Variants in NEDD9 observed in about 807,000 individuals in gnomAD.
NEDD9 encodes the protein enhancer of filamentation 1.
In NEDD9, 26 loss-of-function variants were observed where a neutral mutation model predicts 76.6. The ratio of observed to expected loss-of-function variants is 0.34; its 90% CI spans 0.25 to 0.47. NEDD9 has a LOEUF of 0.47. Ranked by LOEUF, NEDD9 falls within the 20% of genes least tolerant of loss-of-function variation. The pLI, the probability that NEDD9 is intolerant of heterozygous loss-of-function variation, is 1.00. For synonymous variants in NEDD9, 392 were observed against 414.2 expected (o/e 0.95, Z 0.65); for missense variants, 937 against 1,058.5 (o/e 0.89, Z 1.59).
At chr6:11,365,132 A>T (rs1762738981) in intron 1 of NEDD9, among the ~76,000 whole-genome samples, 1 of 152,074 alleles carries the variant, frequency 6.6e-6, no homozygotes, top group African/African-American at 2.4e-5. Flanking sequence ...TCTGACAAAC[A>T]GAGTACTTAA....
chr6:11,342,127 A>AAAT (rs1190212793), intron 1 of NEDD9, among the ~76,000 whole-genome samples: 2 of 152,128 alleles, frequency 1.3e-5, no homozygotes, highest in African/African-American at 4.8e-5. Flanking sequence ...CAGCAGTAGA[A>AAAT]AATATCAAAT....
At chr6:11,377,421 G>C (rs1260955119) in intron 1 of NEDD9, among the ~76,000 whole-genome samples, 4 of 152,234 alleles carry the variant, frequency 2.6e-5, no homozygotes, top group Non-Finnish European at 5.9e-5. Flanking sequence ...TGTTATAACA[G>C]TGTGCCCTAA....
chr6:11,360,236 G>T (rs1221060266), intron 1 of NEDD9, among the ~76,000 whole-genome samples: 1 of 152,168 alleles, frequency 6.6e-6, no homozygotes. Context: ...GGGTGAAGAG[G>T]GTGTGACATA....
At position 11,272,011 on chromosome 6, in the gene NEDD9, T is replaced by C. The variant is rs117499995; in HGVS notation, c.12+33981A>G. 2.2e-4 allele frequency among the ~76,000 whole-genome samples: 33 copies of C among 152,276 alleles called. No homozygotes were observed. The East Asian group carries it at 6.0e-3, about 28-fold the overall frequency. ...CCGTCTAGTTCTCCTATCAAGATAT[T>C]TTCCCAAGCACTTCTTAGGTGGCCC... On this transcript the variant is annotated intron_variant, in intron 3 of 3. Transcript: ENST00000397378.
At chr6:11,204,668 C>A (rs1452122424) in intron 2 of NEDD9, among the ~76,000 whole-genome samples, 1 of 128,520 alleles carries the variant, frequency 7.8e-6, no homozygotes, top group African/African-American at 3.1e-5. Flanking sequence ...TGTGGTGAGC[C>A]GAGATTGTGC....
Position 11,192,464 on chromosome 6 carries a change from A to C in NEDD9, c.562-18T>G. The C allele has an allele frequency of 6.4e-7, 1 of 1,572,290 alleles. No homozygotes were observed. Among genetic ancestry groups the C allele is most frequent in the Non-Finnish European group, 8.7e-7 (1 of 1,145,210 alleles). The stretch of plus-strand genomic sequence containing the variant: ...TCGTATACCTGAAGAGAAACCCGTG[A>C]GTTACCCAGAATGGAAATGTCTTAT... On this transcript the variant is annotated intron_variant, in intron 3 of 6. Transcript: ENST00000379446.
chr6:11,339,732 C>T (rs992265355), intron 1 of NEDD9, among the ~76,000 whole-genome samples: 1 of 152,212 alleles, frequency 6.6e-6, no homozygotes, highest in East Asian at 1.9e-4. Flanking sequence ...TATTCACTTT[C>T]TCAATTCTGC....
rs1274115170 is a variant in NEDD9 at position 11,241,830 on chromosome 6, C to T, written c.13-28103G>A. The stretch of plus-strand genomic sequence containing the variant: ...CGGCCAATGTCCAGCAGGCCCCGGG[C>T]CCAGAGCCTCTGGCCTGTCCGGCCA... On this transcript the variant is annotated intron_variant, in intron 3 of 3. Transcript: ENST00000397378. The surrounding 1 kb of genome is among the most constrained non-coding windows in gnomAD (Gnocchi z 4.0). Among the ~76,000 whole-genome samples the T allele has an allele frequency of 1.3e-5, 2 of 152,226 alleles. No individual in the cohort carries two copies. The highest frequency in any genetic ancestry group is 4.8e-5 in the African/African-American group (2 of 41,464).
chr6:11,199,686 A>C (rs1312471866), intron 2 of NEDD9: 1 of 78,678 alleles, frequency 1.3e-5, no homozygotes, highest in Non-Finnish European at 2.3e-5. Context: ...TTTGAGACAG[A>C]GTCTTACTCT....
chr6:11,260,231 G>C (rs1211060034), intron 3 of NEDD9, among the ~76,000 whole-genome samples: 2 of 152,148 alleles, frequency 1.3e-5, no homozygotes, highest in Non-Finnish European at 1.5e-5. Flanking sequence ...AATAAACAGA[G>C]TAGAGAATGT....
At chr6:11,222,809 T>A (rs1284011259) in intron 1 of NEDD9, among the ~76,000 whole-genome samples, 1 of 152,220 alleles carries the variant, frequency 6.6e-6, no homozygotes, top group Non-Finnish European at 1.5e-5. Context: ...GGAAGTTGCT[T>A]TTTGGTTAGG....
At chr6:11,377,720 G>T (rs1300867209) in intron 1 of NEDD9, among the ~76,000 whole-genome samples, 1 of 152,222 alleles carries the variant, frequency 6.6e-6, no homozygotes, top group Admixed American at 6.5e-5. Context: ...ACTGGGAGAA[G>T]ATGATTGTAT....
chr6:11,312,216 C>A (rs1300568138), intron 2 of NEDD9, among the ~76,000 whole-genome samples: 2 of 152,166 alleles, frequency 1.3e-5, no homozygotes, highest in Admixed American at 6.6e-5. Flanking sequence ...AAAAGACACA[C>A]CCCATCTGTT....
At chr6:11,270,427 C>A (rs961127105) in intron 3 of NEDD9, among the ~76,000 whole-genome samples, 4 of 132,228 alleles carry the variant, frequency 3.0e-5, no homozygotes, top group Non-Finnish European at 4.8e-5. Flanking sequence ...AGAGTGATTT[C>A]TTGCCCCCGG....
At chr6:11,329,908 T>A (rs895092941) in intron 2 of NEDD9, among the ~76,000 whole-genome samples, 19 of 152,104 alleles carry the variant, frequency 1.2e-4, no homozygotes, top group African/African-American at 4.1e-4. Flanking sequence ...AACCCTGCAC[T>A]GGGGAGGGCC....
At chr6:11,281,577 C>T (rs1421686306) in intron 3 of NEDD9, among the ~76,000 whole-genome samples, 1 of 151,978 alleles carries the variant, frequency 6.6e-6, no homozygotes, top group Non-Finnish European at 1.5e-5. Context: ...TGGTCTCAAA[C>T]TCCTGCACTC....
At chr6:11,261,947 G>T (rs1760124183) in intron 3 of NEDD9, among the ~76,000 whole-genome samples, 2 of 152,072 alleles carry the variant, frequency 1.3e-5, no homozygotes, top group African/African-American at 4.8e-5. Flanking sequence ...CAGCTCCTTG[G>T]AATAATTATT....
chr6:11,200,884 G>A, intron 2 of NEDD9: 1 of 1,605,660 alleles, frequency 6.2e-7, no homozygotes, highest in Non-Finnish European at 8.5e-7. Context: ...TCCAAGTCTA[G>A]GAGATGAAGA....
intron 3 of NEDD9, among the ~76,000 whole-genome samples, chr6:11,242,146 G>C (rs1561803803): frequency 1.3e-5 from 2 of 152,240 alleles, no homozygotes; most frequent in East Asian, 3.9e-4. Context: ...GAGTATGGAC[G>C]GAGCATTCCT....
Sources: gnomAD v4.1 joint callset for allele counts (sites outside exome capture counted in the v4.1 genomes callset) on GRCh38, gnomAD v4.1.1 for gene constraint, Gnocchi (gnomAD v3.1) non-coding constraint, MANE v1.5 for transcripts, NCBI Gene and HGNC (gene_info 2026-07-23, HGNC 2026-07-21) for gene names.